The following MSRA variants were observed in gnomAD, a reference collection of about 807,000 sequenced individuals.
MSRA encodes the protein mitochondrial peptide methionine sulfoxide reductase.
A neutral mutation model predicts 31.3 loss-of-function variants in MSRA; 54 were observed. That is an observed-to-expected ratio of 1.73 (90% CI 1.39 to 2.17). MSRA has a LOEUF of 2.17. MSRA is among the 30% of genes most tolerant of loss of function. MSRA has a pLI of 0.00. For missense variants in MSRA, 507 were observed against 300.9 expected (o/e 1.69, Z -5.07); for synonymous variants, 169 against 116.5 (o/e 1.45, Z -2.90).
chr8:10,376,734 G>A (rs886424535), intron 5 of MSRA, among the ~76,000 whole-genome samples: 8 of 152,188 alleles, frequency 5.3e-5, no homozygotes, highest in African/African-American at 1.7e-4. Context: ...ACCAGTGTTC[G>A]GTGACCACAT....
chr8:10,212,059 C>G (rs1362905083), intron 2 of MSRA, among the ~76,000 whole-genome samples: 1 of 151,852 alleles, frequency 6.6e-6, no homozygotes. Context: ...TGGTGGCATG[C>G]ACCTCTAATC....
At chr8:10,305,170 G>A (rs1259156186) in intron 4 of MSRA, among the ~76,000 whole-genome samples, 2 of 152,184 alleles carry the variant, frequency 1.3e-5, no homozygotes, top group Admixed American at 6.5e-5. Context: ...TTTTATAGGA[G>A]AAGCAGTATC....
At chr8:10,165,315 C>T (rs183217067) in intron 1 of MSRA, among the ~76,000 whole-genome samples, 3 of 152,188 alleles carry the variant, frequency 2.0e-5, no homozygotes, top group Admixed American at 1.3e-4. Context: ...TAGCTACTTT[C>T]TCTGGCTTAA....
chr8:10,261,336 G>T (rs1798470591), intron 3 of MSRA, among the ~76,000 whole-genome samples: 1 of 150,876 alleles, frequency 6.6e-6, no homozygotes, highest in African/African-American at 2.4e-5. Flanking sequence ...GGATACAGTG[G>T]TGAACAGGAT....
intron 5 of MSRA, among the ~76,000 whole-genome samples, chr8:10,378,856 C>T (rs903117734): frequency 6.6e-6 from 1 of 152,224 alleles, no homozygotes; most frequent in Non-Finnish European, 1.5e-5. Context: ...AGACTAACCA[C>T]GTGTGTTCCT....
chr8:10,122,964 G>C (rs1353139279), intron 1 of MSRA, among the ~76,000 whole-genome samples: 2 of 152,076 alleles, frequency 1.3e-5, no homozygotes, highest in Non-Finnish European at 2.9e-5. Flanking sequence ...CTACATCTTT[G>C]CTATTGTGAA....
rs1802787870 is a variant in MSRA at position 10,142,306 on chromosome 8, C to T, written c.143-65527C>T. On this transcript the variant is annotated intron_variant, in intron 1 of 5. Transcript: ENST00000317173. ...TATCTCAGAAACTTCTCTAGGCCAACGAGGTAGGTAATAGGATTCCCATTT... is the reference window on the plus strand; with the variant it reads ...TATCTCAGAAACTTCTCTAGGCCAATGAGGTAGGTAATAGGATTCCCATTT... 4.0e-5 allele frequency among the ~76,000 whole-genome samples: 6 copies of T among 151,870 alleles called. No homozygotes were observed. The South Asian group carries it at 1.0e-3, about 26-fold the overall frequency.
chr8:10,065,320 TG>T (rs1005765983), intron 1 of MSRA, among the ~76,000 whole-genome samples: 3 of 152,214 alleles, frequency 2.0e-5, no homozygotes, highest in African/African-American at 4.8e-5. Context: ...AAACTTCACC[TG>T]GTGGCCCATC....
chr8:10,092,862 G>A (rs534817206), intron 1 of MSRA, among the ~76,000 whole-genome samples: 26 of 152,136 alleles, frequency 1.7e-4, no homozygotes, highest in African/African-American at 5.1e-4. Flanking sequence ...TGTGTATTTT[G>A]GGGCTCTGTT....
chr8:10,127,259 C>G (rs1380864740), intron 1 of MSRA, among the ~76,000 whole-genome samples: 1 of 152,080 alleles, frequency 6.6e-6, no homozygotes, highest in Non-Finnish European at 1.5e-5. Flanking sequence ...TTATTTGTAT[C>G]CTACTCAGGG....
chr8:10,409,690 A>C (rs1043959927), intron 5 of MSRA, among the ~76,000 whole-genome samples: 3 of 152,188 alleles, frequency 2.0e-5, no homozygotes, highest in Non-Finnish European at 2.9e-5. Context: ...TCGCCCCACC[A>C]ACATGCACGT....
At chr8:10,092,340 G>A (rs1457912641) in intron 1 of MSRA, among the ~76,000 whole-genome samples, 1 of 152,106 alleles carries the variant, frequency 6.6e-6, no homozygotes, top group Non-Finnish European at 1.5e-5. Context: ...ATTGCCTGCT[G>A]GAGGATGTTC....
chr8:10,083,557 A>G (rs534376099), intron 1 of MSRA, among the ~76,000 whole-genome samples: 35 of 152,372 alleles, frequency 2.3e-4, no homozygotes, highest in Admixed American at 1.4e-3. Context: ...TCATAAACCT[A>G]CAGTGTCTAA....
intron 2 of MSRA, among the ~76,000 whole-genome samples, chr8:10,225,517 CT>C (rs1563240249): frequency 6.6e-6 from 1 of 152,098 alleles, no homozygotes; most frequent in African/African-American, 2.4e-5. Context: ...GGGAAAAATT[CT>C]TTTTATTCAT....
rs1161665814 is a variant in MSRA at position 10,396,000 on chromosome 8, A to G, written c.544-32148A>G. Among the ~76,000 whole-genome samples the G allele has an allele frequency of 2.0e-5, 3 of 152,176 alleles. No individual in the cohort carries two copies. The South Asian group carries it at 6.2e-4, about 32-fold the overall frequency. On this transcript the variant is annotated intron_variant, in intron 5 of 5. Coordinates refer to ENST00000317173, the MANE Select transcript of MSRA (RefSeq NM_012331.5). ...GGCAGTCTCTTGTCTAACACTTGGT[A>G]TGGCTCCATTTCTGTTGGAATTGCC...
chr8:10,298,450 G>C (rs758551528), intron 3 of MSRA, among the ~76,000 whole-genome samples: 25 of 152,108 alleles, frequency 1.6e-4, no homozygotes, highest in Non-Finnish European at 2.2e-4. Flanking sequence ...GTGGAAAGGG[G>C]GTTGCCAGGG....
chr8:10,230,984 C>T (rs1427324391), intron 2 of MSRA, among the ~76,000 whole-genome samples: 7 of 152,154 alleles, frequency 4.6e-5, no homozygotes, highest in East Asian at 1.9e-4. Flanking sequence ...AGGGTTTCAC[C>T]GTGTTGGCCA....
At chr8:10,178,147 A>G (rs530926499) in intron 1 of MSRA, among the ~76,000 whole-genome samples, 14 of 152,330 alleles carry the variant, frequency 9.2e-5, no homozygotes, top group Non-Finnish European at 1.8e-4. Flanking sequence ...GAGGCTGCCT[A>G]ATTATCCATG....
intron 5 of MSRA, among the ~76,000 whole-genome samples, chr8:10,396,736 C>T (rs1348565609): frequency 6.6e-6 from 1 of 152,182 alleles, no homozygotes; most frequent in Non-Finnish European, 1.5e-5. Context: ...TTCTGTTTTT[C>T]CTCCCAGTAA....
Sources: gnomAD v4.1 joint callset for allele counts (sites outside exome capture counted in the v4.1 genomes callset) on GRCh38, gnomAD v4.1.1 for gene constraint, MANE v1.5 for transcripts, NCBI Gene and HGNC (gene_info 2026-07-23, HGNC 2026-07-21) for gene names.